Variants in ZNF706 observed in about 807,000 individuals in gnomAD.
ZNF706 encodes the protein transcriptional regulator ZNF706.
ZNF706 carries 4 observed loss-of-function variants against 9.2 expected under a neutral mutation model. The observed-to-expected ratio is 0.43, with a 90% CI of 0.21 to 0.99. The LOEUF (loss-of-function observed/expected upper bound fraction) is 0.99, where lower values mean the gene tolerates loss of function less well. Among genes scored for constraint, ZNF706 ranks in the 50% least tolerant of loss-of-function variants. ZNF706 has a pLI of 0.26. For synonymous variants in ZNF706, 28 were observed against 27.3 expected (o/e 1.03, Z -0.08); for missense variants, 27 against 87.8 (o/e 0.31, Z 2.77).
chr8:101,205,108 G>C lies in ZNF706; in HGVS notation c.-3+327C>G. On this transcript the variant is annotated intron_variant, in intron 1 of 3. Coordinates refer to ENST00000311212, the MANE Select transcript of ZNF706 (RefSeq NM_016096.5). This position sits in a 1 kb window ranked among gnomAD's most constrained non-coding sequence, Gnocchi z 6.6. ...GTCCTCACGGACCCTGGACCAAGACGCGCCTCCTGGAGGCCGAGACTGCCC... is the reference window on the plus strand; with the variant it reads ...GTCCTCACGGACCCTGGACCAAGACCCGCCTCCTGGAGGCCGAGACTGCCC... 4.5e-6 allele frequency: 1 copy of C among 221,118 alleles called. No homozygotes were observed. Among genetic ancestry groups the C allele is most frequent in the Non-Finnish European group, 7.6e-6 (1 of 131,270 alleles). 13.7% of individuals were successfully genotyped at this position (221,118 alleles called of 1,614,324 possible). A position where few individuals can be genotyped will look rare whatever the true frequency, so the allele number is the denominator to read the frequency against.
intron 1 of ZNF706, chr8:101,204,274 C>G (rs1297755408): frequency 6.6e-6 from 1 of 152,150 alleles, no homozygotes; most frequent in African/African-American, 2.4e-5. Context: ...AGGACTTTCC[C>G]TAAAATATAA....
At chr8:101,204,566 T>G in intron 1 of ZNF706, 1 of 959,852 alleles carries the variant, frequency 1.0e-6, no homozygotes, top group South Asian at 4.8e-5. Context: ...CCAACACAAT[T>G]TTCTACAAAA....
Position 101,200,009 on chromosome 8 carries a change from T to C in ZNF706, c.224A>G (p.Gln75Arg), listed in dbSNP as rs1340733344. Reference sequence around the variant, plus strand: ...AGTTACCTGTAAACAACCTTATGCCTGAACATCAGCTAATTCTGGAGGAAG... The same window carrying C: ...AGTTACCTGTAAACAACCTTATGCCCGAACATCAGCTAATTCTGGAGGAAG... ...TPLPPELADV[Q>R]A Residue 75 changes from glutamine to arginine, a missense_variant, in exon 3 of 4, where the codon CAG becomes CGG. Coordinates refer to ENST00000311212, the MANE Select transcript of ZNF706 (RefSeq NM_016096.5). 2 of 1,611,298 alleles carry C rather than the reference T, an allele frequency of 1.2e-6. No homozygotes were observed. The highest frequency in any genetic ancestry group is 1.3e-5 in the African/African-American group (1 of 74,852).
rs199746828 is a variant in ZNF706, at chr8:101,197,533, C to T, written c.*1719G>A. ...ATCCTGAATTAGTCACTAAAACAAA[C>T]GAAAAAAAAAAAACCAAAACTTGTG... On this transcript the variant is annotated 3_prime_UTR_variant, in exon 4 of 4. Coordinates refer to ENST00000311212, the MANE Select transcript of ZNF706 (RefSeq NM_016096.5). 11 of 145,764 alleles carry T rather than the reference C, an allele frequency of 7.5e-5. No individual in the cohort carries two copies. The highest frequency in any genetic ancestry group is 2.0e-4 in the Admixed American group (3 of 14,804). The allele number at this position is 145,764 out of a possible 1,614,324, so 9.0% of individuals were successfully genotyped here.
Position 101,198,013 on chromosome 8 carries a change from C to T in ZNF706, c.*1239G>A, listed in dbSNP as rs960133437. ...ATTATATTAATTTAAAAATTTAAAC[C>T]GAGTTAACAGCAGTTTTACAAGTTA... On this transcript the variant is annotated 3_prime_UTR_variant, in exon 4 of 4. Transcript: ENST00000311212. The T allele has an allele frequency of 6.6e-6, 1 of 152,004 alleles. No individual in the cohort carries two copies. The allele number at this position is 152,004 out of a possible 1,614,324, so 9.4% of individuals were successfully genotyped here.
Position 101,201,613 on chromosome 8 carries a change from G to A in ZNF706, c.129C>T (p.Val43=). ...AKAALIYTCT[V]CRTQMPDPKT... ...TCAATTCAATTCCCCTTACCCTACAGACAGTGCAGGTATATATTAAGGCAG... is the reference window on the plus strand; with the variant it reads ...TCAATTCAATTCCCCTTACCCTACAAACAGTGCAGGTATATATTAAGGCAG... Residue 43 remains valine, a synonymous_variant, in exon 2 of 4, where the codon GTC becomes GTT. Coordinates refer to ENST00000311212, the MANE Select transcript of ZNF706 (RefSeq NM_016096.5). The surrounding 1 kb of genome is among the most constrained non-coding windows in gnomAD (Gnocchi z 4.5). 6.2e-7 allele frequency: 1 copy of A among 1,612,178 alleles called. No individual in the cohort carries two copies.
intron 1 of ZNF706, chr8:101,204,852 A>G: frequency 5.1e-6 from 5 of 985,606 alleles, no homozygotes; most frequent in Non-Finnish European, 6.0e-6. Context: ...ATTCTCCATA[A>G]CCATCGGAAA....
intron 1 of ZNF706, chr8:101,204,656 GTTT>G: frequency 1.0e-6 from 1 of 985,440 alleles, no homozygotes; most frequent in Non-Finnish European, 1.2e-6. Context: ...CTACATGCTG[GTTT>G]TTAATGCAAC....
rs553353774 is a variant in ZNF706, at chr8:101,198,088, T to C, written c.*1164A>G. Reference sequence around the variant, plus strand: ...GAACTCTAAAATTAGCCTTCCTTAATTGGGTAAGATTTACCATATCCATCT... The same window carrying C: ...GAACTCTAAAATTAGCCTTCCTTAACTGGGTAAGATTTACCATATCCATCT... On this transcript the variant is annotated 3_prime_UTR_variant, in exon 4 of 4. Coordinates refer to ENST00000311212, the MANE Select transcript of ZNF706 (RefSeq NM_016096.5). 98 of 152,332 alleles carry C rather than the reference T, an allele frequency of 6.4e-4. No individual in the cohort carries two copies. Among genetic ancestry groups the C allele is most frequent in the Middle Eastern group, 6.8e-3 (2 of 294 alleles). The allele number at this position is 152,332 out of a possible 1,614,324, so 9.4% of individuals were successfully genotyped here.
chr8:101,204,679 G>A, intron 1 of ZNF706: 1 of 985,444 alleles, frequency 1.0e-6, no homozygotes, highest in Non-Finnish European at 1.2e-6. Flanking sequence ...CTCTCAGTGT[G>A]GTTTTCCGAG....
intron 1 of ZNF706, chr8:101,204,614 C>CA: frequency 1.0e-6 from 1 of 985,428 alleles, no homozygotes. Flanking sequence ...TTAAATGCGA[C>CA]AAACTGGAGG....
chr8:101,204,983 C>T (rs1810699252), intron 1 of ZNF706: 8 of 981,376 alleles, frequency 8.2e-6, no homozygotes, highest in Non-Finnish European at 8.5e-6. Context: ...CCGACCCCAG[C>T]TTCAGCCTGG....
rs1449820644 is a variant in ZNF706, at chr8:101,201,607, C to T, written c.135G>A (p.Arg45=). 1 of 1,611,978 alleles carries T rather than the reference C, an allele frequency of 6.2e-7. No homozygotes were observed. Among genetic ancestry groups the T allele is most frequent in the South Asian group, 1.1e-5 (1 of 90,964 alleles). The change falls in exon 2 of 4, where the codon AGG becomes AGA. Residue 45 remains arginine, a splice_region_variant and synonymous_variant. Transcript: ENST00000311212. The surrounding 1 kb of genome is among the most constrained non-coding windows in gnomAD (Gnocchi z 4.5). ...AALIYTCTVC[R]TQMPDPKTFK... ...TATCTTTCAATTCAATTCCCCTTACCCTACAGACAGTGCAGGTATATATTA... is the reference window on the plus strand; with the variant it reads ...TATCTTTCAATTCAATTCCCCTTACTCTACAGACAGTGCAGGTATATATTA...
At chr8:101,199,753 A>T (rs891158384) in intron 3 of ZNF706, among the ~76,000 whole-genome samples, 6 of 152,316 alleles carry the variant, frequency 3.9e-5, no homozygotes, top group East Asian at 3.9e-4. Context: ...TTGATCAGAG[A>T]TGGCTAGCAT....
intron 1 of ZNF706, chr8:101,204,881 G>C (rs1254184944): frequency 3.0e-6 from 3 of 985,686 alleles, no homozygotes; most frequent in East Asian, 1.1e-4. Flanking sequence ...CCCAGGCAGC[G>C]CTCCACATCC....
rs1419617779 is a variant in ZNF706 at position 101,201,570 on chromosome 8, A to G, written c.135+37T>C. 1.3e-6 allele frequency: 2 copies of G among 1,590,674 alleles called. No individual in the cohort carries two copies. The highest frequency in any genetic ancestry group is 4.5e-5 in the East Asian group (2 of 44,522). Reference sequence around the variant, plus strand: ...TAATCTATTCAAGCCAAAACTGCCCACGGGAGAGCTGTATCTTTCAATTCA... The same window carrying G: ...TAATCTATTCAAGCCAAAACTGCCCGCGGGAGAGCTGTATCTTTCAATTCA... On this transcript the variant is annotated intron_variant, in intron 2 of 3. Coordinates refer to ENST00000311212, the MANE Select transcript of ZNF706 (RefSeq NM_016096.5). The surrounding 1 kb of genome is among the most constrained non-coding windows in gnomAD (Gnocchi z 4.5).
At chr8:101,206,181 G>A (rs1282557144), upstream of ZNF706, 1 of 152,306 alleles carries the variant, frequency 6.6e-6, no homozygotes, top group Non-Finnish European at 1.5e-5. Context: ...CCAGGACACC[G>A]CGGCCCCGGC....
intron 2 of ZNF706, 83 bp from the exon 3 acceptor site, chr8:101,200,180 A>G (rs1208593384): frequency 1.8e-5 from 20 of 1,109,678 alleles, no homozygotes; most frequent in Admixed American, 3.8e-5. Flanking sequence ...GAACCTTCTC[A>G]GTATAGACAA....
intron 1 of ZNF706, chr8:101,204,526 G>T: frequency 1.4e-6 from 1 of 702,152 alleles, no homozygotes; most frequent in Non-Finnish European, 1.7e-6. Flanking sequence ...ACCTGCTTTT[G>T]GACAGCTCAA....
Sources: gnomAD v4.1 joint callset for allele counts (sites outside exome capture counted in the v4.1 genomes callset) on GRCh38, gnomAD v4.1.1 for gene constraint, Gnocchi (gnomAD v3.1) non-coding constraint, MANE v1.5 for transcripts, NCBI Gene and HGNC (gene_info 2026-07-23, HGNC 2026-07-21) for gene names.